The following FSTL5 variants were observed in gnomAD, a reference collection of about 807,000 sequenced individuals.
FSTL5 encodes the protein follistatin like 5.
Under a neutral mutation model 89.1 loss-of-function variants are expected in FSTL5, and 62 were observed. The observed-to-expected ratio is 0.70, with a 90% confidence interval of 0.57 to 0.86. FSTL5 has a LOEUF of 0.86. Ranked by LOEUF, FSTL5 falls within the 40% of genes least tolerant of loss-of-function variation. FSTL5 has a pLI of 0.00. For synonymous variants in FSTL5, 383 were observed against 346.2 expected (o/e 1.11, Z -1.18); for missense variants, 1,057 against 1,001.6 (o/e 1.06, Z -0.75).
intron 11 of FSTL5, among the ~76,000 whole-genome samples, chr4:161,505,490 A>C (rs917726599): frequency 2.0e-5 from 3 of 152,172 alleles, no homozygotes; most frequent in Non-Finnish European, 4.4e-5. Context: ...GGCCAGAGTG[A>C]TAGTATCTAA....
chr4:161,592,471 G>A (rs1733854564), intron 7 of FSTL5, among the ~76,000 whole-genome samples: 1 of 149,852 alleles, frequency 6.7e-6, no homozygotes, highest in African/African-American at 2.5e-5. Flanking sequence ...TCCCTGCCCT[G>A]TGTCCATGTG....
intron 11 of FSTL5, among the ~76,000 whole-genome samples, chr4:161,504,579 G>A (rs1468538485): frequency 1.3e-5 from 2 of 151,434 alleles, no homozygotes; most frequent in East Asian, 3.9e-4. Flanking sequence ...GACTCTAGAA[G>A]TTATCCATAA....
At chr4:162,068,420 C>G (rs1414673974) in intron 2 of FSTL5, among the ~76,000 whole-genome samples, 1 of 151,914 alleles carries the variant, frequency 6.6e-6, no homozygotes. Flanking sequence ...ATCTGATCTT[C>G]GACAAACCTA....
At chr4:161,804,436 C>T (rs1263466934) in intron 4 of FSTL5, among the ~76,000 whole-genome samples, 1 of 151,856 alleles carries the variant, frequency 6.6e-6, no homozygotes, top group Non-Finnish European at 1.5e-5. Context: ...TTCCATTTTA[C>T]TTTCAAATTC....
intron 4 of FSTL5, among the ~76,000 whole-genome samples, chr4:161,905,556 C>A (rs1733498242): frequency 6.6e-6 from 1 of 151,928 alleles, no homozygotes; most frequent in Non-Finnish European, 1.5e-5. Flanking sequence ...AAGAAACAAA[C>A]AAAATACTGG....
In FSTL5 at chr4:161,426,572, G is replaced by A. The variant is rs72973168; in HGVS notation, c.1841+28432C>T. ...TGCCCCTCCTCCTCTCAAAGCTCGA[G>A]GGAACAAATCATCTAATAGAAGATA... On this transcript the variant is annotated intron_variant, in intron 15 of 15. Transcript: ENST00000306100. 7.0e-3 allele frequency among the ~76,000 whole-genome samples: 1,059 copies of A among 152,242 alleles called. 10 individuals carry two copies. The highest frequency in any genetic ancestry group is 0.024 in the African/African-American group (977 of 41,536).
At chr4:162,114,507 CCTCT>C (rs1357023804) in intron 1 of FSTL5, among the ~76,000 whole-genome samples, 4 of 146,626 alleles carry the variant, frequency 2.7e-5, no homozygotes, top group East Asian at 2.0e-4. Flanking sequence ...TCTCTTCTTC[CCTCT>C]CTTTCTCTTT....
intron 15 of FSTL5, among the ~76,000 whole-genome samples, chr4:161,430,809 C>G (rs1732337810): frequency 6.6e-6 from 1 of 151,828 alleles, no homozygotes; most frequent in South Asian, 2.1e-4. Flanking sequence ...CTAAAAGGAG[C>G]AAGAGAAAAG....
intron 6 of FSTL5, among the ~76,000 whole-genome samples, chr4:161,708,780 T>A (rs1400983734): frequency 6.6e-6 from 1 of 152,172 alleles, no homozygotes; most frequent in Non-Finnish European, 1.5e-5. Flanking sequence ...CTTATCTTAT[T>A]GTTTGCCTGC....
intron 7 of FSTL5, among the ~76,000 whole-genome samples, chr4:161,597,384 A>G (rs1734054400): frequency 6.6e-6 from 1 of 151,086 alleles, no homozygotes; most frequent in Non-Finnish European, 1.5e-5. Flanking sequence ...CAAGGACAAA[A>G]AACCAAACAC....
At chr4:161,653,001 C>A (rs1394995212) in intron 7 of FSTL5, among the ~76,000 whole-genome samples, 1 of 152,072 alleles carries the variant, frequency 6.6e-6, no homozygotes, top group African/African-American at 2.4e-5. Context: ...CATCAGAAAT[C>A]CATATCTAAC....
chr4:161,638,010 G>C (rs577786085), intron 7 of FSTL5, among the ~76,000 whole-genome samples: 1 of 152,166 alleles, frequency 6.6e-6, no homozygotes, highest in South Asian at 2.1e-4. Flanking sequence ...GAAAATCACT[G>C]GTAGCTTTAT....
intron 8 of FSTL5, among the ~76,000 whole-genome samples, chr4:161,577,473 C>CAA (rs544029134): frequency 0.17 from 18,942 of 110,040 alleles, 1,809 homozygotes; most frequent in East Asian, 0.32. Flanking sequence ...AGAAAAAAGA[C>CAA]AAAAAAAAAA....
chr4:161,894,443 T>C (rs1733088718), intron 4 of FSTL5, among the ~76,000 whole-genome samples: 1 of 152,146 alleles, frequency 6.6e-6, no homozygotes, highest in Non-Finnish European at 1.5e-5. Context: ...GGTTGACCTG[T>C]CAAAAAATAT....
At chr4:161,464,985 T>C (rs1733703234) in intron 13 of FSTL5, among the ~76,000 whole-genome samples, 1 of 152,150 alleles carries the variant, frequency 6.6e-6, no homozygotes, top group South Asian at 2.1e-4. Flanking sequence ...TGTTGAAGTA[T>C]GCACTATTGT....
At chr4:161,585,270 G>A (rs1276688654) in intron 8 of FSTL5, among the ~76,000 whole-genome samples, 2 of 152,208 alleles carry the variant, frequency 1.3e-5, no homozygotes, top group Non-Finnish European at 2.9e-5. Flanking sequence ...AGACATGAAT[G>A]AAGAGCAGCA....
intron 2 of FSTL5, among the ~76,000 whole-genome samples, chr4:162,039,808 G>A (rs374205620): frequency 2.6e-5 from 4 of 151,924 alleles, no homozygotes; most frequent in African/African-American, 9.7e-5. Flanking sequence ...AATAAATTCT[G>A]CAGTAGTCAA....
chr4:161,452,088 CA>C (rs1334932914), intron 15 of FSTL5, among the ~76,000 whole-genome samples: 9 of 152,218 alleles, frequency 5.9e-5, no homozygotes, highest in Non-Finnish European at 1.3e-4. Flanking sequence ...TTGAGCCCAA[CA>C]GTTAGAATGT....
At chr4:161,668,201 C>T (rs1171883684) in intron 6 of FSTL5, among the ~76,000 whole-genome samples, 2 of 152,054 alleles carry the variant, frequency 1.3e-5, no homozygotes, top group Non-Finnish European at 2.9e-5. Context: ...TATTACAGAT[C>T]CCATAGACAT....
Sources: allele counts gnomAD v4.1 joint callset (sites outside exome capture counted in the v4.1 genomes callset), GRCh38; gene constraint gnomAD v4.1.1; transcripts MANE v1.5; gene names NCBI Gene and HGNC (gene_info 2026-07-23, HGNC 2026-07-21).